Variants in SLC8A1 observed in about 807,000 individuals in gnomAD.
SLC8A1 encodes the protein sodium/calcium exchanger 1.
In SLC8A1, 18 loss-of-function variants were observed where a neutral mutation model predicts 68.3. The ratio of observed to expected loss-of-function variants is 0.26; its 90% CI spans 0.18 to 0.39. The LOEUF is 0.39. Among genes scored for constraint, SLC8A1 ranks in the 10% least tolerant of loss-of-function variants. SLC8A1 has a pLI of 1.00. For missense variants in SLC8A1, 985 were observed against 1,156.7 expected, an observed-to-expected ratio of 0.85 and a Z score of 2.15; for synonymous variants, 475 against 415.5, an observed-to-expected ratio of 1.14 and a Z score of -1.74.
chr2:40,422,634 T>G lies in SLC8A1; in HGVS notation c.1808+5839A>C, dbSNP rs529204873. On this transcript the variant is annotated intron_variant, in intron 2 of 7. Transcript: ENST00000406785. ...CTTGAGAAAATGATGTGACAATAGC[T>G]AATTGTCAATGGCTAAGGACTCCTC... 2.6e-4 allele frequency among the ~76,000 whole-genome samples: 40 copies of G among 152,262 alleles called. 1 individual carries two copies. In the South Asian group the frequency reaches 8.3e-3, roughly 32 times the overall value.
At chr2:40,453,007 C>T (rs950735052), upstream of SLC8A1, among the ~76,000 whole-genome samples, 2 of 152,150 alleles carry the variant, frequency 1.3e-5, no homozygotes, top group African/African-American at 4.8e-5. Flanking sequence ...CAATAAATCA[C>T]TTTCCTCATA....
At chr2:40,401,849 T>C (rs1308003334) in intron 2 of SLC8A1, among the ~76,000 whole-genome samples, 1 of 152,182 alleles carries the variant, frequency 6.6e-6, no homozygotes, top group Non-Finnish European at 1.5e-5. Flanking sequence ...GATTCTTTCT[T>C]GACTTTATGG....
intron 4 of SLC8A1, among the ~76,000 whole-genome samples, chr2:40,173,920 G>A (rs1381861729): frequency 6.6e-6 from 1 of 152,186 alleles, no homozygotes; most frequent in African/African-American, 2.4e-5. Context: ...AGACAACAGA[G>A]GATGCTGTAA....
intron 2 of SLC8A1, among the ~76,000 whole-genome samples, chr2:40,349,633 G>C (rs866721644): frequency 5.9e-5 from 9 of 152,290 alleles, no homozygotes; most frequent in African/African-American, 2.2e-4. Flanking sequence ...AAAGCATTTA[G>C]CACAGTGCCT....
At chr2:40,329,559 A>C (rs1000716322) in intron 2 of SLC8A1, among the ~76,000 whole-genome samples, 2 of 152,236 alleles carry the variant, frequency 1.3e-5, no homozygotes, top group Admixed American at 1.3e-4. Context: ...AGATGGAAAG[A>C]GAAAAGGATT....
chr2:40,402,457 C>G (rs1421183905), intron 2 of SLC8A1, among the ~76,000 whole-genome samples: 1 of 152,166 alleles, frequency 6.6e-6, no homozygotes, highest in East Asian at 1.9e-4. Flanking sequence ...TTCTTTTATT[C>G]CTTTACTTTC....
At chr2:40,415,278 T>C (rs922634571) in intron 2 of SLC8A1, among the ~76,000 whole-genome samples, 2 of 152,256 alleles carry the variant, frequency 1.3e-5, no homozygotes, top group Middle Eastern at 3.4e-3. Context: ...GAGTCTCTCA[T>C]TTAAGAAGAA....
intron 2 of SLC8A1, among the ~76,000 whole-genome samples, chr2:40,381,370 A>T (rs574428283): frequency 1.3e-5 from 2 of 152,060 alleles, no homozygotes; most frequent in Admixed American, 6.6e-5. Flanking sequence ...TAAAGTAAGT[A>T]TAACAAGATT....
At chr2:40,486,169 AG>A (rs1371101841) in intron 1 of SLC8A1, among the ~76,000 whole-genome samples, 2 of 152,116 alleles carry the variant, frequency 1.3e-5, no homozygotes, top group Non-Finnish European at 2.9e-5. Context: ...CTTGTGAAAA[AG>A]GTGCCTTGCT....
intron 6 of SLC8A1, among the ~76,000 whole-genome samples, chr2:40,153,047 C>G (rs1018795116): frequency 4.6e-5 from 7 of 151,826 alleles, no homozygotes; most frequent in Non-Finnish European, 1.5e-5. Flanking sequence ...ACATTTCAAA[C>G]CGAGAAAATG....
intron 2 of SLC8A1, among the ~76,000 whole-genome samples, chr2:40,299,622 C>A (rs1319324869): frequency 2.0e-5 from 3 of 152,142 alleles, no homozygotes; most frequent in South Asian, 2.1e-4. Flanking sequence ...GGTGATGATC[C>A]AGGAATCTGG....
At chr2:40,259,460 C>T (rs1380779348) in intron 2 of SLC8A1, among the ~76,000 whole-genome samples, 2 of 152,104 alleles carry the variant, frequency 1.3e-5, no homozygotes, top group Non-Finnish European at 2.9e-5. Context: ...CCATTGCTTT[C>T]TTCACTTTCT....
At chr2:40,373,193 C>T (rs1326438167) in intron 2 of SLC8A1, among the ~76,000 whole-genome samples, 2 of 151,970 alleles carry the variant, frequency 1.3e-5, no homozygotes, top group East Asian at 3.9e-4. Flanking sequence ...TTAAAAGTGG[C>T]TTACAAAAGA....
chr2:40,170,781 A>T (rs541008598), intron 4 of SLC8A1, among the ~76,000 whole-genome samples: 1 of 152,326 alleles, frequency 6.6e-6, no homozygotes, highest in African/African-American at 2.4e-5. Context: ...TTTTAAGTCA[A>T]CCATTATAGA....
intron 2 of SLC8A1, among the ~76,000 whole-genome samples, chr2:40,407,224 C>A (rs1293733374): frequency 2.0e-5 from 3 of 152,240 alleles, no homozygotes; most frequent in African/African-American, 7.2e-5. Context: ...CACCACCGGG[C>A]ATGGCTAATT....
At chr2:40,428,363 C>G in intron 2 of SLC8A1, 110 bp downstream of exon 2, 1 of 1,408,584 alleles carries the variant, frequency 7.1e-7, no homozygotes, top group Non-Finnish European at 9.2e-7. Context: ...CTATTCCATT[C>G]CTTGCATGCT....
chr2:40,260,093 A>G (rs1332450503), intron 2 of SLC8A1, among the ~76,000 whole-genome samples: 1 of 152,246 alleles, frequency 6.6e-6, no homozygotes, highest in Non-Finnish European at 1.5e-5. Context: ...ACACATTTAC[A>G]TATCAACAAT....
chr2:40,222,568 C>T (rs1046345117), intron 2 of SLC8A1, among the ~76,000 whole-genome samples: 4 of 152,108 alleles, frequency 2.6e-5, no homozygotes, highest in African/African-American at 9.7e-5. Flanking sequence ...GCAAAAGAAA[C>T]TATCAGAGTG....
chr2:40,334,718 G>C (rs1665380898), intron 2 of SLC8A1, among the ~76,000 whole-genome samples: 1 of 152,106 alleles, frequency 6.6e-6, no homozygotes, highest in Admixed American at 6.6e-5. Context: ...TCAGATCATT[G>C]ATCAAATGAC....
Sources: allele counts gnomAD v4.1 joint callset (sites outside exome capture counted in the v4.1 genomes callset), GRCh38; gene constraint gnomAD v4.1.1; transcripts MANE v1.5; gene names NCBI Gene and HGNC (gene_info 2026-07-23, HGNC 2026-07-21).